The following CNTNAP2 variants were observed in gnomAD, a reference collection of about 807,000 sequenced individuals.
CNTNAP2 encodes contactin associated protein 2.
In CNTNAP2, 98 loss-of-function variants were observed where a neutral mutation model predicts 155.2. The ratio of observed to expected loss-of-function variants is 0.63; its 90% confidence interval spans 0.54 to 0.75. The LOEUF (loss-of-function observed/expected upper bound fraction) is 0.75. CNTNAP2 is among the 30% of genes least tolerant of loss of function. The pLI, the probability that CNTNAP2 is intolerant of heterozygous loss-of-function variation, is 0.00. For synonymous variants in CNTNAP2, 651 were observed against 631.2 expected (o/e 1.03, Z -0.47); for missense variants, 1,727 against 1,688.1 (o/e 1.02, Z -0.40).
Position 146,753,465 on chromosome 7 carries a change from G to GT in CNTNAP2, c.98-20805dup, listed in dbSNP as rs578009838. On this transcript the variant is annotated intron_variant, in intron 1 of 23. Coordinates refer to ENST00000361727, the MANE Select transcript of CNTNAP2 (RefSeq NM_014141.6). ...TGCATTATAGAATTTAACCAACTGT[G>GT]TATGAAAGTTTAGATGATATTAACA... is the stretch of plus-strand genomic sequence containing the variant. 3.2e-4 allele frequency among the ~76,000 whole-genome samples: 48 copies of GT among 151,956 alleles called. 1 individual carries two copies. Among genetic ancestry groups the GT allele is most frequent in the South Asian group, 8.3e-4 (4 of 4,818 alleles).
At chr7:146,550,418 T>TGTTG (rs1448692721) in intron 1 of CNTNAP2, among the ~76,000 whole-genome samples, 11 of 139,754 alleles carry the variant, frequency 7.9e-5, no homozygotes, top group Non-Finnish European at 1.4e-4. Flanking sequence ...TTTTTTTTTT[T>TGTTG]TTTTTTTTTT....
chr7:148,357,006 G>A (rs1248093740), intron 21 of CNTNAP2, among the ~76,000 whole-genome samples: 1 of 151,990 alleles, frequency 6.6e-6, no homozygotes, highest in Admixed American at 6.6e-5. Flanking sequence ...ATATACTGTA[G>A]GAGACCTTTC....
At chr7:147,654,771 A>G (rs1395006130) in intron 13 of CNTNAP2, among the ~76,000 whole-genome samples, 1 of 149,362 alleles carries the variant, frequency 6.7e-6, no homozygotes, top group Non-Finnish European at 1.5e-5. Context: ...CAAAGAAATC[A>G]CTATCCATGG....
At chr7:146,437,118 G>A (rs1215104462) in intron 1 of CNTNAP2, among the ~76,000 whole-genome samples, 7 of 151,344 alleles carry the variant, frequency 4.6e-5, no homozygotes, top group Non-Finnish European at 7.4e-5. Context: ...GTTCTCATAG[G>A]AGCGTGAACC....
intron 13 of CNTNAP2, among the ~76,000 whole-genome samples, chr7:147,868,405 C>T (rs921718104): frequency 6.6e-6 from 1 of 152,188 alleles, no homozygotes; most frequent in Non-Finnish European, 1.5e-5. Flanking sequence ...AGGTGTCTCC[C>T]AGTTAGGCTA....
intron 4 of CNTNAP2, among the ~76,000 whole-genome samples, chr7:147,095,776 G>A (rs1800518267): frequency 6.6e-6 from 1 of 151,942 alleles, no homozygotes; most frequent in Non-Finnish European, 1.5e-5. Flanking sequence ...CTGGATCCTG[G>A]TTTGCTTAGT....
chr7:146,819,183 G>A (rs765058770), intron 2 of CNTNAP2, among the ~76,000 whole-genome samples: 2 of 152,036 alleles, frequency 1.3e-5, no homozygotes. Context: ...AAAGTTTCCA[G>A]TTGTAGTTGA....
intron 1 of CNTNAP2, among the ~76,000 whole-genome samples, chr7:146,215,173 T>TA (rs1193384566): frequency 1.2e-4 from 18 of 152,188 alleles, no homozygotes; most frequent in Non-Finnish European, 2.6e-4. Flanking sequence ...ATTTTGACAG[T>TA]AAGAGGAAAC....
chr7:148,191,153 T>A (rs1795198032), intron 18 of CNTNAP2, among the ~76,000 whole-genome samples: 1 of 152,162 alleles, frequency 6.6e-6, no homozygotes, highest in African/African-American at 2.4e-5. Context: ...ATGGGAGATG[T>A]TTAGGTCGTG....
At chr7:147,088,130 A>G (rs1472379243) in intron 4 of CNTNAP2, among the ~76,000 whole-genome samples, 1 of 152,228 alleles carries the variant, frequency 6.6e-6, no homozygotes, top group Non-Finnish European at 1.5e-5. Context: ...CAGGACTCTA[A>G]CTTTCATTTT....
Position 147,728,732 on chromosome 7 carries a change from T to C in CNTNAP2, c.2098+89426T>C, listed in dbSNP as rs1162101543. Among the ~76,000 whole-genome samples the C allele has an allele frequency of 4.6e-5, 7 of 152,002 alleles. No homozygotes were observed. In the South Asian group the frequency reaches 8.3e-4, roughly 18 times the overall value. On this transcript the variant is annotated intron_variant, in intron 13 of 23. Coordinates refer to ENST00000361727, the MANE Select transcript of CNTNAP2 (RefSeq NM_014141.6). ...CATTAAGACTTCTGGAGAAGAAAAT[T>C]GATTGGACTCATTCACTTGGGAACC...
intron 3 of CNTNAP2, among the ~76,000 whole-genome samples, chr7:146,914,063 G>T (rs1796343696): frequency 6.6e-6 from 1 of 151,772 alleles, no homozygotes; most frequent in Non-Finnish European, 1.5e-5. Flanking sequence ...TTTCATCCAG[G>T]TTGCTATGAA....
At chr7:146,346,984 G>A (rs562377485) in intron 1 of CNTNAP2, among the ~76,000 whole-genome samples, 10 of 151,752 alleles carry the variant, frequency 6.6e-5, no homozygotes, top group African/African-American at 2.2e-4. Context: ...GAAAGAAAGG[G>A]ATCGATGAAA....
chr7:147,564,954 C>T (rs563394001), intron 12 of CNTNAP2, among the ~76,000 whole-genome samples: 1 of 152,182 alleles, frequency 6.6e-6, no homozygotes, highest in Middle Eastern at 3.2e-3. Flanking sequence ...ACTAACCAAC[C>T]CTTCCTTTTC....
chr7:147,490,048 G>T (rs1053893960), intron 11 of CNTNAP2, among the ~76,000 whole-genome samples: 2 of 152,088 alleles, frequency 1.3e-5, no homozygotes, highest in South Asian at 4.1e-4. Context: ...TTTAGTGTTC[G>T]ACAAAAATAA....
chr7:146,296,067 C>A (rs570457034), intron 1 of CNTNAP2, among the ~76,000 whole-genome samples: 1 of 152,032 alleles, frequency 6.6e-6, no homozygotes, highest in Non-Finnish European at 1.5e-5. Flanking sequence ...AGATACTGAC[C>A]ATTTGCATCC....
intron 9 of CNTNAP2, among the ~76,000 whole-genome samples, chr7:147,385,752 G>A (rs965495085): frequency 6.6e-6 from 1 of 152,200 alleles, no homozygotes; most frequent in Non-Finnish European, 1.5e-5. Flanking sequence ...AGTGCAAGCT[G>A]TAGGTGGATC....
intron 1 of CNTNAP2, among the ~76,000 whole-genome samples, chr7:146,356,463 C>T (rs984502208): frequency 6.6e-6 from 1 of 152,066 alleles, no homozygotes; most frequent in African/African-American, 2.4e-5. Flanking sequence ...GAGGTGTGTA[C>T]TTCCTGTTCT....
intron 1 of CNTNAP2, among the ~76,000 whole-genome samples, chr7:146,393,929 T>G (rs904413995): frequency 6.6e-6 from 1 of 152,156 alleles, no homozygotes; most frequent in Non-Finnish European, 1.5e-5. Context: ...TAACATAAAT[T>G]TAATATTTGT....
Sources: allele counts gnomAD v4.1 joint callset (sites outside exome capture counted in the v4.1 genomes callset), GRCh38; gene constraint gnomAD v4.1.1; transcripts MANE v1.5; gene names NCBI Gene and HGNC (gene_info 2026-07-23, HGNC 2026-07-21).